SMCHD1: variants seen among roughly 807,000 people sequenced by gnomAD.
The protein encoded by SMCHD1 is structural maintenance of chromosomes flexible hinge domain-containing protein 1.
A neutral mutation model predicts 254.7 loss-of-function variants in SMCHD1; 78 were observed. The observed-to-expected ratio is 0.31, with a 90% confidence interval of 0.26 to 0.37. SMCHD1 has a LOEUF of 0.37. Among genes scored for constraint, SMCHD1 ranks in the 10% least tolerant of loss-of-function variants. The pLI is 1.00. For synonymous variants in SMCHD1, 766 were observed against 794.9 expected, an observed-to-expected ratio of 0.96 and a Z score of 0.61; for missense variants, 1,840 against 2,408.1, an observed-to-expected ratio of 0.76 and a Z score of 4.94.
chr18:2,782,854 G>T (rs970789892), intron 44 of SMCHD1, among the ~76,000 whole-genome samples: 1 of 145,980 alleles, frequency 6.9e-6, no homozygotes, highest in Non-Finnish European at 1.5e-5. Context: ...TTTTGTTGTT[G>T]TTGTTCACCA....
At chr18:2,733,145 G>A (rs955727244) in intron 25 of SMCHD1, among the ~76,000 whole-genome samples, 8 of 152,184 alleles carry the variant, frequency 5.3e-5, no homozygotes, top group African/African-American at 1.9e-4. Context: ...TGAAAGAATA[G>A]TGGACAGTCT....
At chr18:2,715,345 T>C (rs1053083278) in intron 17 of SMCHD1, among the ~76,000 whole-genome samples, 64 of 152,312 alleles carry the variant, frequency 4.2e-4, no homozygotes, top group African/African-American at 1.4e-3. Flanking sequence ...TCAACAGATT[T>C]ATCTTCACAT....
chr18:2,773,707 A>AG (rs1187920325), intron 41 of SMCHD1, among the ~76,000 whole-genome samples: 1 of 152,178 alleles, frequency 6.6e-6, no homozygotes, highest in Non-Finnish European at 1.5e-5. Context: ...GCATTACCTG[A>AG]GGTCAGGAGT....
At chr18:2,739,363 C>A in intron 26 of SMCHD1, 69 bp from the exon 27 acceptor site, 1 of 1,067,984 alleles carries the variant, frequency 9.4e-7, no homozygotes, top group African/African-American at 1.6e-5. Context: ...ATGTGTTATT[C>A]TGTAGCATGT....
At chr18:2,739,887 C>G (rs2075315904) in intron 27 of SMCHD1, among the ~76,000 whole-genome samples, 1 of 151,868 alleles carries the variant, frequency 6.6e-6, no homozygotes, top group South Asian at 2.1e-4. Context: ...GGGTTTGAGG[C>G]CAGCCTGGAC....
chr18:2,779,749 C>T (rs1004974006), intron 44 of SMCHD1, among the ~76,000 whole-genome samples: 4 of 152,064 alleles, frequency 2.6e-5, no homozygotes, highest in African/African-American at 7.2e-5. Context: ...GAGTTCAAGG[C>T]TATAGGCTGT....
chr18:2,708,914 T>TATATATATAA (rs1568199382), intron 17 of SMCHD1, among the ~76,000 whole-genome samples: 1 of 51,586 alleles, frequency 1.9e-5, no homozygotes, highest in Admixed American at 2.1e-4. Context: ...ATATAACATA[T>TATATATATAA]TAACATGAAA....
At chr18:2,732,225 A>G (rs765896136) in intron 24 of SMCHD1, 40 bp from the exon 25 acceptor site, 1 of 1,501,110 alleles carries the variant, frequency 6.7e-7, no homozygotes. Flanking sequence ...AAATTTCAGT[A>G]CAGATATCAC....
At chr18:2,687,173 A>G (rs536753810) in intron 5 of SMCHD1, among the ~76,000 whole-genome samples, 8 of 152,306 alleles carry the variant, frequency 5.3e-5, no homozygotes, top group South Asian at 2.1e-4. Flanking sequence ...TAGAAATTCA[A>G]CAATATGCAC....
intron 12 of SMCHD1, 93 bp from the exon 13 acceptor site, chr18:2,703,599 A>G: frequency 2.9e-6 from 3 of 1,031,452 alleles, no homozygotes; most frequent in Non-Finnish European, 2.9e-6. Context: ...ATTGGAGTAT[A>G]TGAAAGGAAA....
chr18:2,670,308 T>A (rs1237727665), intron 3 of SMCHD1, among the ~76,000 whole-genome samples: 1 of 152,146 alleles, frequency 6.6e-6, no homozygotes, highest in East Asian at 1.9e-4. Context: ...CAGTTAGCCC[T>A]GCACTCATTT....
intron 13 of SMCHD1, among the ~76,000 whole-genome samples, chr18:2,704,287 A>G (rs1322289344): frequency 6.6e-6 from 1 of 152,278 alleles, no homozygotes. Context: ...CAAGGTTTTT[A>G]TGGTTTCCTA....
intron 5 of SMCHD1, among the ~76,000 whole-genome samples, chr18:2,687,136 A>G (rs2143033410): frequency 6.6e-6 from 1 of 152,304 alleles, no homozygotes; most frequent in South Asian, 2.1e-4. Context: ...CACTTTTGTT[A>G]TTGAAGGTAT....
Position 2,719,836 on chromosome 18 carries a change from C to T in SMCHD1, c.2458+1402C>T, listed in dbSNP as rs577718765. ...GATTACAGGCGTATGCCACCACGCCCGGCTAATTTTGTATTTTCAGTAGAG... is the reference window on the plus strand; with the variant it reads ...GATTACAGGCGTATGCCACCACGCCTGGCTAATTTTGTATTTTCAGTAGAG... On this transcript the variant is annotated intron_variant, in intron 19 of 47. Transcript: ENST00000320876. Among the ~76,000 whole-genome samples the T allele has an allele frequency of 2.8e-4, 43 of 152,078 alleles. 1 individual carries two copies. Among genetic ancestry groups the T allele is most frequent in the African/African-American group, 9.9e-4 (41 of 41,468 alleles).
In SMCHD1 at chr18:2,762,090, CTT is replaced by C. The variant is rs749480616; in HGVS notation, c.4435-12_4435-11del. ...CAATATATTGTTAATCAGAATGTCT[CTT>C]TTGTTTTGTAAGGTTATAGTTGAAG... On this transcript the variant is annotated splice_polypyrimidine_tract_variant and intron_variant, in intron 35 of 47. Transcript: ENST00000320876. 6.2e-7 allele frequency: 1 copy of C among 1,610,880 alleles called. No homozygotes were observed. The highest frequency in any genetic ancestry group is 1.3e-5 in the African/African-American group (1 of 74,832).
chr18:2,662,667 CAAAAAAA>C (rs745838636), intron 1 of SMCHD1, among the ~76,000 whole-genome samples: 14 of 35,682 alleles, frequency 3.9e-4, no homozygotes, highest in African/African-American at 1.2e-3. Context: ...AACAAAAAAC[CAAAAAAA>C]AAAAAAAAAA....
At chr18:2,722,719 T>C in intron 20 of SMCHD1, 56 bp downstream of exon 20, 2 of 1,459,790 alleles carry the variant, frequency 1.4e-6, no homozygotes, top group Non-Finnish European at 1.8e-6. Flanking sequence ...GCATTTACTC[T>C]TTTTTTCAGC....
At chr18:2,775,423 A>G (rs1232474740) in intron 41 of SMCHD1, among the ~76,000 whole-genome samples, 1 of 152,090 alleles carries the variant, frequency 6.6e-6, no homozygotes, top group Non-Finnish European at 1.5e-5. Flanking sequence ...AAAAAAGTAT[A>G]TATTACTAGC....
chr18:2,797,679 C>A (rs2076286093), intron 47 of SMCHD1, among the ~76,000 whole-genome samples: 1 of 152,184 alleles, frequency 6.6e-6, no homozygotes, highest in Non-Finnish European at 1.5e-5. Flanking sequence ...AATCCCAGCA[C>A]TTTGGGAGGC....
Sources: allele counts gnomAD v4.1 joint callset (sites outside exome capture counted in the v4.1 genomes callset), GRCh38; gene constraint gnomAD v4.1.1; transcripts MANE v1.5; gene names NCBI Gene and HGNC (gene_info 2026-07-23, HGNC 2026-07-21).